Variants in GRM5 observed in about 807,000 individuals in gnomAD.
The protein encoded by GRM5 is glutamate metabotropic receptor 5, also known as metabotropic glutamate receptor 5.
In GRM5, 19 loss-of-function variants were observed where a neutral mutation model predicts 83.1. That is an observed-to-expected ratio of 0.23 (90% CI 0.16 to 0.34). The LOEUF (loss-of-function observed/expected upper bound fraction) is 0.34. Among genes scored for constraint, GRM5 ranks in the 10% least tolerant of loss-of-function variants. GRM5 has a pLI of 1.00. For synonymous variants in GRM5, 675 were observed against 633.6 expected (o/e 1.07, Z -0.98); for missense variants, 1,160 against 1,588.3 (o/e 0.73, Z 4.58).
At chr11:88,812,208 C>G (rs553485280) in intron 3 of GRM5, among the ~76,000 whole-genome samples, 2 of 152,030 alleles carry the variant, frequency 1.3e-5, no homozygotes, top group African/African-American at 4.8e-5. Context: ...AGAAATTGTC[C>G]CAATATTCAC....
intron 3 of GRM5, among the ~76,000 whole-genome samples, chr11:88,695,440 C>A (rs188033730): frequency 6.6e-6 from 1 of 152,184 alleles, no homozygotes; most frequent in Non-Finnish European, 1.5e-5. Flanking sequence ...TACATTTCTA[C>A]TTTGTGTGAT....
intron 3 of GRM5, among the ~76,000 whole-genome samples, chr11:88,781,804 A>C (rs564736672): frequency 1.3e-5 from 2 of 152,142 alleles, no homozygotes; most frequent in African/African-American, 4.8e-5. Flanking sequence ...GCTAAATGAC[A>C]CCTGTTGAAA....
At chr11:88,884,782 C>T (rs1945014583) in intron 2 of GRM5, among the ~76,000 whole-genome samples, 1 of 152,178 alleles carries the variant, frequency 6.6e-6, no homozygotes, top group Non-Finnish European at 1.5e-5. Flanking sequence ...TTCCCCTGCA[C>T]ATGCTCTCTC....
chr11:88,819,460 T>C (rs1429167003), intron 3 of GRM5, among the ~76,000 whole-genome samples: 3 of 152,230 alleles, frequency 2.0e-5, no homozygotes, highest in African/African-American at 7.2e-5. Flanking sequence ...CACATATTTA[T>C]ATAACCTTAG....
At chr11:88,873,904 A>G (rs1944809423) in intron 2 of GRM5, among the ~76,000 whole-genome samples, 1 of 151,696 alleles carries the variant, frequency 6.6e-6, no homozygotes. Context: ...TAAACATACC[A>G]CAGAAATACA....
intron 2 of GRM5, among the ~76,000 whole-genome samples, chr11:88,919,876 A>C (rs1205917827): frequency 2.0e-5 from 3 of 152,112 alleles, no homozygotes; most frequent in African/African-American, 7.2e-5. Flanking sequence ...GCAAAATCCC[A>C]AAATCTATGG....
intron 2 of GRM5, among the ~76,000 whole-genome samples, chr11:88,999,211 TG>T (rs1940290121): frequency 6.6e-6 from 1 of 152,096 alleles, no homozygotes; most frequent in African/African-American, 2.4e-5. Context: ...CCAAAAGCAA[TG>T]GCAACAAAAG....
At chr11:88,939,718 T>G (rs1480905344) in intron 2 of GRM5, among the ~76,000 whole-genome samples, 1 of 151,734 alleles carries the variant, frequency 6.6e-6, no homozygotes, top group Non-Finnish European at 1.5e-5. Context: ...CGAAACAATA[T>G]GAGCACACCT....
chr11:88,773,231 G>A (rs962714028), intron 3 of GRM5, among the ~76,000 whole-genome samples: 1 of 152,134 alleles, frequency 6.6e-6, no homozygotes, highest in Non-Finnish European at 1.5e-5. Context: ...TGTGTCTGTT[G>A]GCTGCATAGA....
intron 7 of GRM5, among the ~76,000 whole-genome samples, chr11:88,575,258 C>T (rs1006764978): frequency 6.6e-6 from 1 of 152,070 alleles, no homozygotes; most frequent in Admixed American, 6.6e-5. Flanking sequence ...TACTATATAT[C>T]ATGTGTTATT....
At chr11:88,845,779 A>G (rs1273216567) in intron 3 of GRM5, among the ~76,000 whole-genome samples, 1 of 150,866 alleles carries the variant, frequency 6.6e-6, no homozygotes, top group East Asian at 2.0e-4. Flanking sequence ...TGTGATTTTT[A>G]TTGTGATACT....
At chr11:88,916,210 C>T (rs547963711) in intron 2 of GRM5, among the ~76,000 whole-genome samples, 1 of 152,208 alleles carries the variant, frequency 6.6e-6, no homozygotes, top group South Asian at 2.1e-4. Context: ...ATCAAGCTAG[C>T]AATTACAGTG....
chr11:88,924,789 A>G (rs937580061), intron 2 of GRM5, among the ~76,000 whole-genome samples: 1 of 151,946 alleles, frequency 6.6e-6, no homozygotes, highest in African/African-American at 2.4e-5. Context: ...GTATTATATA[A>G]TTAAATTTGC....
chr11:88,963,268 G>C (rs980498767), intron 2 of GRM5, among the ~76,000 whole-genome samples: 1 of 152,194 alleles, frequency 6.6e-6, no homozygotes, highest in African/African-American at 2.4e-5. Context: ...GTGGCATACT[G>C]TTGGTCATTC....
At chr11:89,023,956 T>C (rs540868229) in intron 2 of GRM5, among the ~76,000 whole-genome samples, 4 of 152,246 alleles carry the variant, frequency 2.6e-5, no homozygotes, top group Non-Finnish European at 4.4e-5. Context: ...CCAGGCACAG[T>C]GGCTCATGCC....
At chr11:88,933,008 ACTAT>A (rs1190977237) in intron 2 of GRM5, among the ~76,000 whole-genome samples, 1 of 151,930 alleles carries the variant, frequency 6.6e-6, no homozygotes, top group African/African-American at 2.4e-5. Flanking sequence ...TGGAAAACAC[ACTAT>A]CTGAGATTCT....
At chr11:88,951,548 TC>T (rs1938464611) in intron 2 of GRM5, among the ~76,000 whole-genome samples, 1 of 152,236 alleles carries the variant, frequency 6.6e-6, no homozygotes, top group Non-Finnish European at 1.5e-5. Context: ...CTCATATTAT[TC>T]CCTTGGGTTG....
chr11:88,902,147 G>GT lies in GRM5; in HGVS notation c.662-51993dup, dbSNP rs200565099. On this transcript the variant is annotated intron_variant, in intron 2 of 9. Coordinates refer to ENST00000305447, the MANE Select transcript of GRM5 (RefSeq NM_001143831.3). Reference sequence around the variant, plus strand: ...GCAGACTGCCTAAGGGCAGAGAAAAGTTTTTTTGTTTTTTTTTTGTTTGTT... The same window carrying GT: ...GCAGACTGCCTAAGGGCAGAGAAAAGTTTTTTTTGTTTTTTTTTTGTTTGTT... Among the ~76,000 whole-genome samples the GT allele has an allele frequency of 2.7e-3, 402 of 151,226 alleles. 1 individual carries two copies. Among genetic ancestry groups the GT allele is most frequent in the African/African-American group, 9.3e-3 (385 of 41,256 alleles).
intron 2 of GRM5, among the ~76,000 whole-genome samples, chr11:88,950,509 G>T (rs1238161150): frequency 1.3e-5 from 2 of 151,402 alleles, no homozygotes; most frequent in African/African-American, 2.4e-5. Context: ...AAATGTTAAT[G>T]ATAAGAATAA....
Sources: allele counts gnomAD v4.1 joint callset (sites outside exome capture counted in the v4.1 genomes callset), GRCh38; gene constraint gnomAD v4.1.1; transcripts MANE v1.5; gene names NCBI Gene and HGNC (gene_info 2026-07-23, HGNC 2026-07-21).